SGIP1: variants seen among roughly 807,000 people sequenced by gnomAD.
SGIP1 encodes the protein SH3-containing GRB2-like protein 3-interacting protein 1.
In SGIP1, 38 loss-of-function variants were observed where a neutral mutation model predicts 107.5. The observed-to-expected ratio is 0.35, with a 90% CI of 0.27 to 0.46. SGIP1 has a LOEUF of 0.46. Ranked by LOEUF, SGIP1 falls within the 20% of genes least tolerant of loss-of-function variation. SGIP1 has a pLI of 1.00. For missense variants in SGIP1, 929 were observed against 1,019.5 expected (o/e 0.91, Z 1.21); for synonymous variants, 365 against 366.1 (o/e 1.00, Z 0.03).
At chr1:66,665,215 A>T (rs950071118) in intron 8 of SGIP1, among the ~76,000 whole-genome samples, 2 of 152,144 alleles carry the variant, frequency 1.3e-5, no homozygotes, top group Non-Finnish European at 2.9e-5. Context: ...GAGTGAGAAC[A>T]TCTGGTGTTT....
At chr1:66,670,913 TA>T in intron 9 of SGIP1, 81 bp from the exon 10 acceptor site, 1 of 645,142 alleles carries the variant, frequency 1.6e-6, no homozygotes, top group South Asian at 4.4e-5. Context: ...GAGTTCAGTT[TA>T]ATTGCAATGA....
At chr1:66,733,919 C>A in intron 21 of SGIP1, 39 bp downstream of exon 21, 1 of 1,579,348 alleles carries the variant, frequency 6.3e-7, no homozygotes, top group Non-Finnish European at 8.6e-7. Context: ...TTCCACATGA[C>A]ATATTTGTTT....
intron 1 of SGIP1, among the ~76,000 whole-genome samples, chr1:66,564,392 C>A (rs1482438195): frequency 2.0e-5 from 3 of 151,816 alleles, no homozygotes; most frequent in Non-Finnish European, 4.4e-5. Context: ...AGAGAGTGAC[C>A]GGATGAAGTT....
intron 1 of SGIP1, among the ~76,000 whole-genome samples, chr1:66,601,223 G>A (rs1393626715): frequency 1.3e-5 from 2 of 152,032 alleles, no homozygotes; most frequent in Non-Finnish European, 2.9e-5. Flanking sequence ...AAATTAGCTG[G>A]GCGTGGTGGC....
At chr1:66,731,190 G>A (rs909968206) in intron 20 of SGIP1, among the ~76,000 whole-genome samples, 7 of 152,096 alleles carry the variant, frequency 4.6e-5, no homozygotes, top group African/African-American at 9.7e-5. Flanking sequence ...TGTGCAAACC[G>A]TGAGGGAATG....
intron 15 of SGIP1, among the ~76,000 whole-genome samples, chr1:66,683,256 G>A (rs539679766): frequency 4.6e-5 from 7 of 152,252 alleles, no homozygotes; most frequent in Admixed American, 1.3e-4. Flanking sequence ...ATCCCCCAGC[G>A]CTTTCCTTCC....
chr1:66,590,115 A>C (rs41418445), intron 1 of SGIP1, among the ~76,000 whole-genome samples: 28,601 of 152,142 alleles, frequency 0.19, 3,181 homozygotes, highest in African/African-American at 0.31. Flanking sequence ...AAATGATGTC[A>C]TTCAGTCACA....
At chr1:66,546,228 A>G (rs2056360517) in intron 1 of SGIP1, among the ~76,000 whole-genome samples, 1 of 152,186 alleles carries the variant, frequency 6.6e-6, no homozygotes, top group East Asian at 1.9e-4. Flanking sequence ...CAAAGCACCC[A>G]TCTGCCACGT....
intron 24 of SGIP1, among the ~76,000 whole-genome samples, chr1:66,741,971 T>C (rs2094460728): frequency 1.3e-5 from 2 of 152,134 alleles, no homozygotes; most frequent in Non-Finnish European, 1.5e-5. Flanking sequence ...TTTCACCGTG[T>C]TAGCCAGGAT....
At position 66,728,596 on chromosome 1, in the gene SGIP1, T is replaced by C. The variant is rs111573831; in HGVS notation, c.1743-668T>C. ...CTACCCTTTGACCCAGAGATCCCAT[T>C]ACCGGTTATATTCCCAAAGAAATAT... On this transcript the variant is annotated intron_variant, in intron 19 of 24. Transcript: ENST00000371037. 8.3e-3 allele frequency among the ~76,000 whole-genome samples: 1,262 copies of C among 152,236 alleles called. 7 individuals are homozygous for C. The highest frequency in any genetic ancestry group is 0.029 in the African/African-American group (1,188 of 41,534).
At chr1:66,686,443 T>C (rs1172006084) in intron 15 of SGIP1, among the ~76,000 whole-genome samples, 1 of 152,200 alleles carries the variant, frequency 6.6e-6, no homozygotes, top group East Asian at 1.9e-4. Flanking sequence ...TCCAAATCAT[T>C]TTCCAGCATT....
At chr1:66,710,786 G>A (rs1189550545) in intron 18 of SGIP1, among the ~76,000 whole-genome samples, 1 of 152,082 alleles carries the variant, frequency 6.6e-6, no homozygotes, top group Non-Finnish European at 1.5e-5. Flanking sequence ...CACACCTAAA[G>A]TCATTGTCAG....
At chr1:66,574,552 G>A (rs2060801370) in intron 1 of SGIP1, among the ~76,000 whole-genome samples, 1 of 152,098 alleles carries the variant, frequency 6.6e-6, no homozygotes, top group Non-Finnish European at 1.5e-5. Context: ...ATCCATTAAG[G>A]GAAAGGAGAA....
intron 20 of SGIP1, among the ~76,000 whole-genome samples, chr1:66,731,718 A>T (rs900916832): frequency 4.6e-5 from 7 of 152,252 alleles, no homozygotes; most frequent in Admixed American, 1.3e-4. Context: ...GGCATTGTTG[A>T]CCAAGCATGA....
intron 1 of SGIP1, among the ~76,000 whole-genome samples, chr1:66,609,212 A>G (rs1375206641): frequency 1.3e-5 from 2 of 152,232 alleles, no homozygotes; most frequent in African/African-American, 4.8e-5. Context: ...GACAATGTAA[A>G]CTGTAATATG....
chr1:66,704,344 G>A (rs773805225), intron 18 of SGIP1: 25 of 152,058 alleles, frequency 1.6e-4, no homozygotes, highest in Non-Finnish European at 3.4e-4. Context: ...ATGCCACTGC[G>A]TTGCTGTACA....
intron 1 of SGIP1, among the ~76,000 whole-genome samples, chr1:66,584,003 G>T (rs2062185929): frequency 6.6e-6 from 1 of 152,130 alleles, no homozygotes; most frequent in African/African-American, 2.4e-5. Context: ...TGATTCCCAA[G>T]AAATGCATTT....
intron 19 of SGIP1, among the ~76,000 whole-genome samples, chr1:66,723,059 T>G (rs753467406): frequency 2.0e-5 from 3 of 152,256 alleles, no homozygotes; most frequent in Non-Finnish European, 4.4e-5. Flanking sequence ...CAGAAACTTA[T>G]AAATGAATCA....
At chr1:66,574,458 A>G (rs370627845) in intron 1 of SGIP1, among the ~76,000 whole-genome samples, 36 of 152,248 alleles carry the variant, frequency 2.4e-4, no homozygotes, top group African/African-American at 8.7e-4. Context: ...TTCATCACCT[A>G]GTATAATTCT....
Sources: gnomAD v4.1 joint callset for allele counts (sites outside exome capture counted in the v4.1 genomes callset) on GRCh38, gnomAD v4.1.1 for gene constraint, MANE v1.5 for transcripts, NCBI Gene and HGNC (gene_info 2026-07-23, HGNC 2026-07-21) for gene names.